Variants in DCX observed in about 807,000 individuals in gnomAD.
DCX encodes doublecortin.
A neutral mutation model predicts 20.9 loss-of-function variants in DCX; 4 were observed. The observed-to-expected ratio is 0.19, with a 90% CI of 0.09 to 0.44. The LOEUF is 0.44. Among genes scored for constraint, DCX ranks in the 20% least tolerant of loss-of-function variants. The pLI is 0.99. For missense variants in DCX, 133 were observed against 296.9 expected (o/e 0.45, Z 4.06); for synonymous variants, 103 against 111.4 (o/e 0.92, Z 0.47).
Position 111,301,761 on chromosome X carries a change from A to G in DCX, c.1045-18T>C. ...TACAGGTCCTATAAGAAGAGAAGAG[A>G]CAAAGTTAATTTTCCTTTTCTTGAT... On this transcript the variant is annotated intron_variant, in intron 6 of 6. Coordinates refer to ENST00000636035, the MANE Select transcript of DCX (RefSeq NM_001195553.2). The G allele has an allele frequency of 8.3e-7, 1 of 1,205,355 alleles. No homozygotes were observed. Among genetic ancestry groups the G allele is most frequent in the Non-Finnish European group, 1.1e-6 (1 of 889,777 alleles).
At chrX:111,387,663 T>C (rs1303023224) in intron 3 of DCX, among the ~76,000 whole-genome samples, 4 of 112,107 alleles carry the variant, frequency 3.6e-5, no homozygotes, top group African/African-American at 6.5e-5. Flanking sequence ...ATCAAGGCTG[T>C]AATGTCTCTG....
chrX:111,331,714 G>T (rs1921260098), intron 4 of DCX, among the ~76,000 whole-genome samples: 1 of 112,117 alleles, frequency 8.9e-6, no homozygotes, highest in African/African-American at 3.2e-5. Flanking sequence ...TCTTGTATTT[G>T]CCCTAGCCTC....
chrX:111,378,896 C>G (rs1241407828), intron 3 of DCX, among the ~76,000 whole-genome samples: 3 of 111,826 alleles, frequency 2.7e-5, no homozygotes, highest in Non-Finnish European at 5.6e-5. Flanking sequence ...GACTAAGGCC[C>G]TCCAAGAGGC....
intron 6 of DCX, among the ~76,000 whole-genome samples, chrX:111,306,615 C>G (rs753602067): frequency 2.7e-5 from 3 of 111,086 alleles, no homozygotes; most frequent in Non-Finnish European, 5.7e-5. Context: ...GAGCAGAATA[C>G]ATATTCTTTT....
At chrX:111,321,628 A>C (rs1294770702) in intron 5 of DCX, among the ~76,000 whole-genome samples, 1 of 111,446 alleles carries the variant, frequency 9.0e-6, no homozygotes, top group East Asian at 2.8e-4. Flanking sequence ...GAGAGAGTCC[A>C]GTTTTTGGTG....
chrX:111,370,730 C>G (rs1436707714), intron 3 of DCX, among the ~76,000 whole-genome samples: 1 of 110,343 alleles, frequency 9.1e-6, no homozygotes, highest in East Asian at 2.9e-4. Context: ...TGGGCTTACC[C>G]TAGCACTGGT....
chrX:111,316,021 T>C, intron 5 of DCX, among the ~76,000 whole-genome samples: 1 of 62,619 alleles, frequency 1.6e-5, no homozygotes, highest in Admixed American at 1.9e-4. Context: ...ATGGCACATG[T>C]ATACATATGT....
At chrX:111,333,258 A>C in intron 3 of DCX, 105 bp from the exon 4 acceptor site, 1 of 595,474 alleles carries the variant, frequency 1.7e-6, no homozygotes. Context: ...CATCATCTTC[A>C]GCTCCCAGGA....
intron 3 of DCX, among the ~76,000 whole-genome samples, chrX:111,382,241 C>A (rs1352614125): frequency 8.9e-6 from 1 of 111,776 alleles, no homozygotes; most frequent in African/African-American, 3.2e-5. Context: ...GTTAAAAATG[C>A]AAAATCTTGT....
chrX:111,386,174 T>A (rs1372380831), intron 3 of DCX, among the ~76,000 whole-genome samples: 1 of 109,872 alleles, frequency 9.1e-6, no homozygotes, highest in African/African-American at 3.3e-5. Context: ...ATTTAAACAA[T>A]TTTTTTTTCT....
chrX:111,366,476 A>G (rs1486420899), intron 3 of DCX, among the ~76,000 whole-genome samples: 4 of 112,086 alleles, frequency 3.6e-5, no homozygotes, highest in Non-Finnish European at 7.5e-5. Context: ...AGCCCACCAC[A>G]GGATCTGCTC....
chrX:111,380,947 A>C (rs1189238395), intron 3 of DCX, among the ~76,000 whole-genome samples: 1 of 110,665 alleles, frequency 9.0e-6, no homozygotes, highest in African/African-American at 3.3e-5. Flanking sequence ...CCTCCATTTC[A>C]TAAATGTGGA....
At chrX:111,323,274 C>T (rs1216774398) in intron 5 of DCX, among the ~76,000 whole-genome samples, 1 of 111,991 alleles carries the variant, frequency 8.9e-6, no homozygotes, top group Non-Finnish European at 1.9e-5. Context: ...CTAACCTAAC[C>T]TCTCTGAGTC....
At chrX:111,315,382 T>C (rs370435414) in intron 5 of DCX, among the ~76,000 whole-genome samples, 2 of 45,361 alleles carry the variant, frequency 4.4e-5, no homozygotes, top group Admixed American at 6.0e-4. Context: ...CTATGAGATA[T>C]CATCTCACAC....
chrX:111,332,382 T>C (rs1028587530), intron 4 of DCX, among the ~76,000 whole-genome samples: 2 of 112,460 alleles, frequency 1.8e-5, no homozygotes, highest in Non-Finnish European at 3.8e-5. Flanking sequence ...TGATTTTTTT[T>C]CACACTTTGC....
chrX:111,381,958 C>A (rs2147234529), intron 3 of DCX, among the ~76,000 whole-genome samples: 1 of 111,665 alleles, frequency 9.0e-6, no homozygotes, highest in South Asian at 3.7e-4. Flanking sequence ...TCCACTGCAC[C>A]ATCCCTGTAC....
At chrX:111,410,579 G>A in intron 1 of DCX, 159 bp from the exon 2 acceptor site, 2 of 851,988 alleles carry the variant, frequency 2.3e-6, no homozygotes, top group South Asian at 2.2e-5. Flanking sequence ...CCCATCTGCT[G>A]CTTGCCCCTG....
chrX:111,334,852 C>T lies in DCX; in HGVS notation c.706-1699G>A, dbSNP rs2206246. On this transcript the variant is annotated intron_variant, in intron 3 of 6. Coordinates refer to ENST00000636035, the MANE Select transcript of DCX (RefSeq NM_001195553.2). ...GTCATGAGTACTAGGATGGGATTAT[C>T]TGTTGGTGCTGTGAGAGCTATTGAT... Among the ~76,000 whole-genome samples the T allele has an allele frequency of 4.9e-3, 551 of 111,873 alleles. 2 individuals carry two copies. The highest frequency in any genetic ancestry group is 0.017 in the African/African-American group (519 of 30,766).
intron 3 of DCX, among the ~76,000 whole-genome samples, chrX:111,357,099 G>GA (rs1569492633): frequency 8.9e-6 from 1 of 111,990 alleles, no homozygotes; most frequent in Admixed American, 9.5e-5. Context: ...ATATGGTAGA[G>GA]AAAAATAGAT....
Sources: gnomAD v4.1 joint callset for allele counts (sites outside exome capture counted in the v4.1 genomes callset) on GRCh38, gnomAD v4.1.1 for gene constraint, MANE v1.5 for transcripts, NCBI Gene and HGNC (gene_info 2026-07-23, HGNC 2026-07-21) for gene names.